CASK: variants seen among roughly 807,000 people sequenced by gnomAD.
CASK encodes the protein calcium/calmodulin dependent serine protein kinase, also known as peripheral plasma membrane protein CASK.
CASK carries 4 observed loss-of-function variants against 82.9 expected under a neutral mutation model. That is an observed-to-expected ratio of 0.05 (90% CI 0.02 to 0.11). CASK has a LOEUF of 0.11. CASK is among the 10% of genes least tolerant of loss of function. The pLI is 1.00. For synonymous variants in CASK, 259 were observed against 253.5 expected (o/e 1.02, Z -0.20); for missense variants, 358 against 720.9 (o/e 0.50, Z 5.76).
chrX:41,862,594 G>C (rs2071513352), intron 1 of CASK, among the ~76,000 whole-genome samples: 1 of 106,987 alleles, frequency 9.3e-6, no homozygotes, highest in South Asian at 4.3e-4. Flanking sequence ...CAAGCTATTT[G>C]GTACTGCTAG....
At chrX:41,884,514 A>C (rs1391703497) in intron 1 of CASK, among the ~76,000 whole-genome samples, 1 of 112,183 alleles carries the variant, frequency 8.9e-6, no homozygotes, top group African/African-American at 3.2e-5. Flanking sequence ...ACTGTAGCAA[A>C]GATTATTAAT....
chrX:41,857,909 C>T (rs1241079436), intron 1 of CASK, among the ~76,000 whole-genome samples: 2 of 111,732 alleles, frequency 1.8e-5, no homozygotes, highest in Non-Finnish European at 3.8e-5. Context: ...CTTTGGATCT[C>T]TCAATGCCAA....
chrX:41,647,881 T>C (rs2066788724), intron 8 of CASK, among the ~76,000 whole-genome samples: 1 of 111,932 alleles, frequency 8.9e-6, no homozygotes, highest in Non-Finnish European at 1.9e-5. Flanking sequence ...TAAGGCTATG[T>C]CACCTTAGGA....
intron 8 of CASK, among the ~76,000 whole-genome samples, chrX:41,638,010 A>G (rs1359861366): frequency 9.0e-6 from 1 of 111,470 alleles, no homozygotes; most frequent in African/African-American, 3.3e-5. Context: ...TAATTTGCCA[A>G]TGTATCTTGA....
chrX:41,745,953 T>C (rs1342732996), intron 3 of CASK, among the ~76,000 whole-genome samples: 4 of 112,069 alleles, frequency 3.6e-5, no homozygotes, highest in Non-Finnish European at 1.9e-5. Flanking sequence ...TCCAAAAATA[T>C]TCAGTTATGT....
intron 3 of CASK, among the ~76,000 whole-genome samples, chrX:41,752,488 C>G (rs1361416155): frequency 1.8e-5 from 2 of 110,621 alleles, no homozygotes; most frequent in African/African-American, 6.6e-5. Context: ...TAGGGTTTTT[C>G]TGTGTTGGCC....
intron 2 of CASK, among the ~76,000 whole-genome samples, chrX:41,800,749 G>A (rs1255993067): frequency 6.4e-5 from 7 of 109,720 alleles, no homozygotes; most frequent in Non-Finnish European, 1.1e-4. Context: ...GAGAACATGC[G>A]GTGTTTGGTT....
At chrX:41,580,188 C>T (rs1329221731) in intron 14 of CASK, among the ~76,000 whole-genome samples, 1 of 111,789 alleles carries the variant, frequency 8.9e-6, no homozygotes, top group Non-Finnish European at 1.9e-5. Context: ...AGATTTAGGG[C>T]AAAAAGCAAA....
chrX:41,668,895 T>G (rs750192713), intron 6 of CASK, among the ~76,000 whole-genome samples: 1 of 110,151 alleles, frequency 9.1e-6, no homozygotes, highest in Non-Finnish European at 1.9e-5. Flanking sequence ...GCCTGGCTAA[T>G]TTTTGCATCT....
intron 21 of CASK, among the ~76,000 whole-genome samples, chrX:41,546,999 C>T (rs1384862433): frequency 1.8e-5 from 2 of 110,805 alleles, no homozygotes; most frequent in East Asian, 2.8e-4. Flanking sequence ...GGCACGATCT[C>T]GGCTCACTGC....
intron 1 of CASK, among the ~76,000 whole-genome samples, chrX:41,890,488 AAAAC>A (rs1310815030): frequency 8.9e-6 from 1 of 112,147 alleles, no homozygotes; most frequent in African/African-American, 3.2e-5. Context: ...TTCTTACTAA[AAAAC>A]AAAATAAATT....
chrX:41,612,308 C>T (rs2066078967), intron 11 of CASK, among the ~76,000 whole-genome samples: 1 of 109,191 alleles, frequency 9.2e-6, no homozygotes, highest in Admixed American at 9.5e-5. Context: ...GCCTCTGCCC[C>T]GCCGCCCCGT....
chrX:41,795,388 C>T (rs939414228), intron 2 of CASK, among the ~76,000 whole-genome samples: 3 of 112,311 alleles, frequency 2.7e-5, no homozygotes, highest in South Asian at 7.4e-4. Context: ...AGAGACGAGG[C>T]ACGGTAGCTC....
chrX:41,792,799 T>C (rs997744792), intron 2 of CASK, among the ~76,000 whole-genome samples: 1 of 111,921 alleles, frequency 8.9e-6, no homozygotes, highest in African/African-American at 3.3e-5. Flanking sequence ...TTTTTTGTAC[T>C]ATTATCTCTG....
intron 1 of CASK, among the ~76,000 whole-genome samples, chrX:41,858,705 A>G (rs1194398491): frequency 1.8e-5 from 2 of 111,820 alleles, no homozygotes; most frequent in Non-Finnish European, 3.8e-5. Flanking sequence ...CTCTTCTCCT[A>G]AGTCTTCATA....
In CASK at chrX:41,822,409, T is replaced by A. The variant is rs146360830; in HGVS notation, c.172+30706A>T. 9.5e-3 allele frequency among the ~76,000 whole-genome samples: 1,030 copies of A among 108,107 alleles called. 15 individuals are homozygous for A. Among genetic ancestry groups the A allele is most frequent in the African/African-American group, 0.033 (976 of 29,537 alleles). 93.9% of individuals were successfully genotyped at this position (108,107 alleles called of 115,157 possible). ...CCCGTCTCTACTAAAACACAAAAGA[T>A]TAGCTGGGCGTGGTGGTGTGCACCT... On this transcript the variant is annotated intron_variant, in intron 2 of 26. Transcript: ENST00000378163.
Position 41,693,288 on chromosome X carries a change from C to T in CASK, c.430-21758G>A, listed in dbSNP as rs975422664. ...ATCAGTTTCATTTTTGGTAGCCTGA[C>T]ATTCTTTCTAGATTGCCCTTTCCTT... On this transcript the variant is annotated intron_variant, in intron 5 of 26. Transcript: ENST00000378163. Among the ~76,000 whole-genome samples the T allele has an allele frequency of 3.6e-5, 4 of 111,163 alleles. 1 individual carries two copies. Among genetic ancestry groups the T allele is most frequent in the African/African-American group, 1.3e-4 (4 of 30,541 alleles).
At chrX:41,552,691 C>T (rs935978112) in intron 21 of CASK, 5 of 111,518 alleles carry the variant, frequency 4.5e-5, no homozygotes, top group Non-Finnish European at 7.5e-5. Flanking sequence ...TTTGGGCCCA[C>T]GTTTCCTTAT....
At chrX:41,556,944 T>A in intron 19 of CASK, 88 bp downstream of exon 19, 2 of 700,724 alleles carry the variant, frequency 2.9e-6, no homozygotes, top group Middle Eastern at 2.9e-4. Context: ...AGACACTATT[T>A]CCACTGAACA....
Sources: gnomAD v4.1 joint callset for allele counts (sites outside exome capture counted in the v4.1 genomes callset) on GRCh38, gnomAD v4.1.1 for gene constraint, MANE v1.5 for transcripts, NCBI Gene and HGNC (gene_info 2026-07-23, HGNC 2026-07-21) for gene names.